Variants in HK1 observed in about 807,000 individuals in gnomAD.
HK1 encodes hexokinase 1.
Under a neutral mutation model 91.6 loss-of-function variants are expected in HK1, and 28 were observed. That is an observed-to-expected ratio of 0.31 (90% confidence interval 0.23 to 0.42). The LOEUF is 0.42. Among genes scored for constraint, HK1 ranks in the 10% least tolerant of loss-of-function variants. The pLI is 1.00. For synonymous variants in HK1, 430 were observed against 468.1 expected, an observed-to-expected ratio of 0.92 and a Z score of 1.05; for missense variants, 770 against 1,219.8, an observed-to-expected ratio of 0.63 and a Z score of 5.49.
intron 3 of HK1, among the ~76,000 whole-genome samples, chr10:69,294,927 G>A (rs1845481275): frequency 4.6e-5 from 7 of 151,646 alleles, no homozygotes. Context: ...TACTTGGGAG[G>A]GTGAGGTGGG....
At chr10:69,298,324 T>C (rs1227064364) in intron 4 of HK1, among the ~76,000 whole-genome samples, 1 of 151,876 alleles carries the variant, frequency 6.6e-6, no homozygotes, top group African/African-American at 2.4e-5. Context: ...TTAAAAGATT[T>C]CTGCATAAAA....
intron 7 of HK1, among the ~76,000 whole-genome samples, chr10:69,371,284 C>T (rs888647333): frequency 6.6e-6 from 1 of 152,040 alleles, no homozygotes; most frequent in Admixed American, 6.5e-5. Flanking sequence ...ACCCCAGTTC[C>T]AAAGCTCTGA....
intron 5 of HK1, among the ~76,000 whole-genome samples, chr10:69,310,331 G>A (rs909384599): frequency 3.4e-5 from 5 of 147,466 alleles, no homozygotes; most frequent in Non-Finnish European, 5.9e-5. Flanking sequence ...TGAGGCATGA[G>A]AATCGCCTGA....
chr10:69,349,711 C>T (rs1055895129), intron 2 of HK1, among the ~76,000 whole-genome samples: 3 of 152,110 alleles, frequency 2.0e-5, no homozygotes, highest in Admixed American at 1.3e-4. Flanking sequence ...TGACTGGACA[C>T]GACAGCTCTG....
At chr10:69,316,618 A>G (rs1846658527), upstream of HK1, among the ~76,000 whole-genome samples, 1 of 152,250 alleles carries the variant, frequency 6.6e-6, no homozygotes, top group South Asian at 2.1e-4. Context: ...CCTGCCTGCA[A>G]ACAGGACATT....
At chr10:69,382,420 G>C (rs900454555) in intron 9 of HK1, 67 bp from the exon 10 acceptor site, 2 of 1,476,810 alleles carry the variant, frequency 1.4e-6, no homozygotes, top group African/African-American at 2.8e-5. Flanking sequence ...AGAAAGAAAG[G>C]GTGGCCGGAG....
In HK1 at chr10:69,401,189, G is replaced by A. The variant is rs994784064; in HGVS notation, c.*54G>A. On this transcript the variant is annotated 3_prime_UTR_variant, in exon 18 of 18. Coordinates refer to ENST00000359426, the MANE Select transcript of HK1 (RefSeq NM_000188.3). ...TCCAGCACTTCTCTCTTCAAGCGGC[G>A]ACCCCCTACCCTCCCAGCGAGTTGC... 2.5e-6 allele frequency: 4 copies of A among 1,575,172 alleles called. No individual in the cohort carries two copies. The highest frequency in any genetic ancestry group is 1.4e-5 in the African/African-American group (1 of 73,896).
intron 3 of HK1, among the ~76,000 whole-genome samples, chr10:69,363,263 C>T (rs1199769773): frequency 6.6e-6 from 1 of 152,060 alleles, no homozygotes; most frequent in Non-Finnish European, 1.5e-5. Context: ...GCATGGCTGC[C>T]AAAAGTGTAT....
At chr10:69,343,153 A>C (rs1848376032) in intron 1 of HK1, among the ~76,000 whole-genome samples, 2 of 152,102 alleles carry the variant, frequency 1.3e-5, no homozygotes, top group Admixed American at 1.3e-4. Context: ...TGGGCCTGCC[A>C]CCCTGTGTTC....
chr10:69,348,677 G>A (rs2132705995), intron 2 of HK1, among the ~76,000 whole-genome samples: 1 of 152,336 alleles, frequency 6.6e-6, no homozygotes, highest in East Asian at 1.9e-4. Flanking sequence ...TGGGCATGGT[G>A]GCCGGTGCCT....
At chr10:69,316,104 G>A (rs1846627332), upstream of HK1, 2 of 1,044,236 alleles carry the variant, frequency 1.9e-6, no homozygotes, top group African/African-American at 3.1e-5. Context: ...GAGAAGGCAG[G>A]GCAAGGAAGG....
rs753616207 is a variant in HK1, at chr10:69,369,009, C to G, written c.592-228C>G. The stretch of plus-strand genomic sequence containing the variant: ...AATGTAGCTCCATGAGTAAAATCCC[C>G]ACTACCCAAAGACTCTTAAGCCAGG... On this transcript the variant is annotated intron_variant, in intron 5 of 17. Transcript: ENST00000359426. The surrounding 1 kb of genome is among the most constrained non-coding windows in gnomAD (Gnocchi z 4.4). Among the ~76,000 whole-genome samples the G allele has an allele frequency of 1.3e-5, 2 of 152,210 alleles. No individual in the cohort carries two copies. The highest frequency in any genetic ancestry group is 4.1e-4 in the South Asian group (2 of 4,832).
chr10:69,309,828 C>G (rs1378373664), intron 5 of HK1, among the ~76,000 whole-genome samples: 1 of 151,410 alleles, frequency 6.6e-6, no homozygotes, highest in Non-Finnish European at 1.5e-5. Context: ...AGGCAGATCA[C>G]CTGAGGTCAG....
rs111674749 is a variant in HK1, at chr10:69,398,443, A to C, written c.2376-152A>C. On this transcript the variant is annotated intron_variant, in intron 16 of 17. Transcript: ENST00000359426. The stretch of plus-strand genomic sequence containing the variant: ...AATTTTTATTTTGCTAGATTTGCCA[A>C]ATTCTCCACAGTTTAACATGTAACA... The C allele has an allele frequency of 1.3e-3, 919 of 691,250 alleles. 9 individuals are homozygous for C. In the African/African-American group the frequency reaches 0.014, roughly 10 times the overall value. 42.8% of individuals were successfully genotyped at this position (691,250 alleles called of 1,614,324 possible).
chr10:69,393,130 C>T (rs12098572), intron 15 of HK1, among the ~76,000 whole-genome samples: 26,331 of 151,876 alleles, frequency 0.17, 2,526 homozygotes, highest in South Asian at 0.27. Context: ...TACAGGCATA[C>T]ACAACCATGC....
chr10:69,298,583 G>A (rs541079809), intron 4 of HK1, among the ~76,000 whole-genome samples: 7 of 151,854 alleles, frequency 4.6e-5, no homozygotes, highest in Non-Finnish European at 8.8e-5. Context: ...GCTATGATTT[G>A]TGCCCCTGCA....
chr10:69,368,713 C>T (rs1276624977), intron 5 of HK1, 82 bp downstream of exon 5: 8 of 1,083,494 alleles, frequency 7.4e-6, no homozygotes, highest in Non-Finnish European at 1.1e-5. Context: ...CAGTGCCCTT[C>T]CTGGGGGGCA....
intron 16 of HK1, 34 bp from the exon 17 acceptor site, chr10:69,398,561 C>A: frequency 6.4e-7 from 1 of 1,571,492 alleles, no homozygotes; most frequent in Non-Finnish European, 8.7e-7. Flanking sequence ...GTGGGTCCTG[C>A]TTCATCCAGC....
At chr10:69,328,942 A>G (rs577597405) in intron 1 of HK1, among the ~76,000 whole-genome samples, 20 of 152,188 alleles carry the variant, frequency 1.3e-4, no homozygotes, top group Non-Finnish European at 1.5e-5. Flanking sequence ...TTTATTTAGC[A>G]TAATGTCTTC....
Sources: allele counts gnomAD v4.1 joint callset (sites outside exome capture counted in the v4.1 genomes callset), GRCh38; gene constraint gnomAD v4.1.1; non-coding constraint Gnocchi (gnomAD v3.1); transcripts MANE v1.5; gene names NCBI Gene and HGNC (gene_info 2026-07-23, HGNC 2026-07-21).